The following OTUD4 variants were observed in gnomAD, a reference collection of about 807,000 sequenced individuals.
The protein encoded by OTUD4 is OTU deubiquitinase 4, also known as OTU domain-containing protein 4.
A neutral mutation model predicts 130.4 loss-of-function variants in OTUD4; 24 were observed. The observed-to-expected ratio is 0.18, with a 90% CI of 0.13 to 0.26. The LOEUF is 0.26. Ranked by LOEUF, OTUD4 falls within the 10% of genes least tolerant of loss-of-function variation. The pLI is 1.00. For missense variants in OTUD4, 1,031 were observed against 1,329.4 expected (o/e 0.78, Z 3.49); for synonymous variants, 420 against 472.5 (o/e 0.89, Z 1.44).
intron 3 of OTUD4, among the ~76,000 whole-genome samples, chr4:145,167,976 A>G (rs768217795): frequency 1.3e-5 from 2 of 152,206 alleles, no homozygotes; most frequent in Non-Finnish European, 2.9e-5. Flanking sequence ...TTAGGTAAAC[A>G]ATGGATATCC....
Position 145,138,440 on chromosome 4 carries a change from G to T in OTUD4, c.2335C>A (p.Gln779Lys). Residue 779 changes from glutamine to lysine, a missense_variant, in exon 21 of 21, where the codon CAA (glutamine) becomes AAA (lysine). Transcript: ENST00000447906. Reference sequence around the variant, plus strand: ...GGTCCAATCTCTGGCTGTGGCATTTGACCATTAACACTGGCCTCAGTCTGC... The same window carrying T: ...GGTCCAATCTCTGGCTGTGGCATTTTACCATTAACACTGGCCTCAGTCTGC... ...PMQTEASVNGQMPQPEIGPPT... is the reference protein window; with the variant it reads ...PMQTEASVNGKMPQPEIGPPT... 6.2e-7 allele frequency: 1 copy of T among 1,614,124 alleles called. No homozygotes were observed. The highest frequency in any genetic ancestry group is 1.1e-5 in the South Asian group (1 of 91,016).
At chr4:145,165,960 G>C (rs148315851) in intron 3 of OTUD4, among the ~76,000 whole-genome samples, 1 of 151,578 alleles carries the variant, frequency 6.6e-6, no homozygotes, top group African/African-American at 2.4e-5. Context: ...TCGGGAGTTC[G>C]AGACCAGTCT....
Position 145,164,205 on chromosome 4 carries a change from C to A in OTUD4, c.363G>T (p.Arg121=). The change falls in exon 5 of 21, where the codon CGG becomes CGT. Residue 121 remains arginine, a synonymous_variant. Coordinates refer to ENST00000447906, the MANE Select transcript of OTUD4 (RefSeq NM_001366057.1). ...LMYRKDFIIY[R]EPNVSPSQVT... is the part of the protein sequence containing the mutation. Reference sequence around the variant, plus strand: ...CTTGTGAAGGAGAAACATTTGGTTCCCGATAAATTATAAAATCTTTCCTGA... The same window carrying A: ...CTTGTGAAGGAGAAACATTTGGTTCACGATAAATTATAAAATCTTTCCTGA... The A allele has an allele frequency of 7.2e-7, 1 of 1,393,272 alleles. No individual in the cohort carries two copies. Among genetic ancestry groups the A allele is most frequent in the South Asian group, 1.3e-5 (1 of 78,944 alleles). The allele number at this position is 1,393,272 out of a possible 1,614,324, so 86.3% of individuals were successfully genotyped here.
chr4:145,179,454 C>A, intron 1 of OTUD4: 2 of 275,640 alleles, frequency 7.3e-6, no homozygotes, highest in South Asian at 6.0e-5. Context: ...CGTGGTGCTT[C>A]TCAAACGAAG....
At chr4:145,139,481 A>G (rs892408118) in intron 20 of OTUD4, among the ~76,000 whole-genome samples, 23 of 152,280 alleles carry the variant, frequency 1.5e-4, no homozygotes, top group African/African-American at 5.3e-4. Context: ...CAACAACCAC[A>G]CTATCTTACA....
intron 17 of OTUD4, among the ~76,000 whole-genome samples, chr4:145,142,646 CAAGGTGCT>C (rs1750617812): frequency 6.6e-6 from 1 of 152,230 alleles, no homozygotes; most frequent in African/African-American, 2.4e-5. Context: ...CTTGGCATCC[CAAGGTGCT>C]GGAATTACAG....
rs754337629 is a variant in OTUD4 at position 145,144,038 on chromosome 4, C to T, written c.1547-37G>A. ...CAAGATTAAAAAAGACAGCATAAGCCACCAGTCATGTCTGAACACAGAAGA... is the reference window on the plus strand; with the variant it reads ...CAAGATTAAAAAAGACAGCATAAGCTACCAGTCATGTCTGAACACAGAAGA... On this transcript the variant is annotated intron_variant, in intron 15 of 20. Transcript: ENST00000447906. 3.3e-6 allele frequency: 5 copies of T among 1,499,628 alleles called. No homozygotes were observed. In the South Asian group the frequency reaches 3.4e-5, roughly 10 times the overall value. 92.9% of individuals were successfully genotyped at this position (1,499,628 alleles called of 1,614,324 possible). A position where few individuals can be genotyped will look rare whatever the true frequency, so the allele number is the denominator to read the frequency against.
At chr4:145,165,123 C>G in intron 4 of OTUD4, 28 bp downstream of exon 4, 1 of 1,355,864 alleles carries the variant, frequency 7.4e-7, no homozygotes, top group Non-Finnish European at 1.0e-6. Context: ...GTTTCATTTT[C>G]TTTTACTTAT....
intron 10 of OTUD4, among the ~76,000 whole-genome samples, chr4:145,154,332 C>A (rs548138802): frequency 7.9e-5 from 12 of 152,326 alleles, no homozygotes; most frequent in African/African-American, 2.9e-4. Context: ...CCTTTAAATA[C>A]CCCAGAACCA....
At chr4:145,140,374 TAG>T (rs1750502149) in intron 19 of OTUD4, among the ~76,000 whole-genome samples, 1 of 152,196 alleles carries the variant, frequency 6.6e-6, no homozygotes, top group South Asian at 2.1e-4. Flanking sequence ...CCTAACTTAT[TAG>T]TAGCATCATT....
intron 11 of OTUD4, among the ~76,000 whole-genome samples, chr4:145,151,443 G>C (rs1043538525): frequency 2.0e-5 from 3 of 152,166 alleles, no homozygotes; most frequent in African/African-American, 7.2e-5. Context: ...AGACCAGCCT[G>C]ACCAACATGG....
rs777910837 is a variant in OTUD4, at chr4:145,137,637, A to C, written c.3138T>G (p.Thr1046=). 5 of 1,613,558 alleles carry C rather than the reference A, an allele frequency of 3.1e-6. No homozygotes were observed. The East Asian group carries it at 8.9e-5, about 29-fold the overall frequency. The stretch of plus-strand genomic sequence containing the variant: ...CACTTTTGTACTTCCTGCTTCCATA[A>C]GTTTGATTATAGAACTGCTTGGATC... The part of the protein sequence containing the change: ...SGRSKQFYNQ[T]YGSRKYKSDW... Residue 1046 remains threonine, a synonymous_variant, in exon 21 of 21, where the codon ACT becomes ACG. Coordinates refer to ENST00000447906, the MANE Select transcript of OTUD4 (RefSeq NM_001366057.1).
At chr4:145,163,966 C>T (rs1477044462) in intron 5 of OTUD4, among the ~76,000 whole-genome samples, 188 bp downstream of exon 5, 1 of 151,926 alleles carries the variant, frequency 6.6e-6, no homozygotes, top group Non-Finnish European at 1.5e-5. Context: ...CCTTGGCCTC[C>T]CAAAGTGCTG....
intron 3 of OTUD4, among the ~76,000 whole-genome samples, chr4:145,170,551 CTT>C (rs1752106602): frequency 6.6e-6 from 1 of 152,202 alleles, no homozygotes; most frequent in South Asian, 2.1e-4. Context: ...CTATATACCT[CTT>C]GTGACAAATC....
intron 10 of OTUD4, 59 bp downstream of exon 10, chr4:145,155,352 G>A: frequency 7.4e-7 from 1 of 1,354,590 alleles, no homozygotes. Context: ...TTCTCTGTTT[G>A]TATTAGAAAA....
chr4:145,180,459 C>T lies in OTUD4; in HGVS notation c.-486G>A, dbSNP rs531253494. Among the ~76,000 whole-genome samples the T allele has an allele frequency of 1.3e-5, 2 of 152,346 alleles. No individual in the cohort carries two copies. The highest frequency in any genetic ancestry group is 4.8e-5 in the African/African-American group (2 of 41,588). On this transcript the variant is annotated 5_prime_UTR_variant, in exon 1 of 21. Coordinates refer to ENST00000447906, the MANE Select transcript of OTUD4 (RefSeq NM_001366057.1). ...GCCGAGGAAACCAAAAAGAAAGACG[C>T]GGCCTTTCGTTTCCCCACCTCGCTG...
chr4:145,135,037 CAGCATAAGGCAAAATCCCCT>C lies in OTUD4; in HGVS notation c.*2373_*2392del, dbSNP rs1750175023. ...AGCTTGCTTATCCTTAGTTTGACCT[CAGCATAAGGCAAAATCCCCT>C]GGACTAATACATTTAAAAACAAACT... On this transcript the variant is annotated 3_prime_UTR_variant, in exon 21 of 21. Transcript: ENST00000447906. 1 of 391,960 alleles carries C rather than the reference CAGCATAAGGCAAAATCCCCT, an allele frequency of 2.6e-6. No homozygotes were observed. The highest frequency in any genetic ancestry group is 2.1e-5 in the African/African-American group (1 of 48,458). 24.3% of individuals were successfully genotyped at this position (391,960 alleles called of 1,614,324 possible).
chr4:145,155,543 A>G (rs2126770137), intron 9 of OTUD4, 26 bp downstream of exon 9: 2 of 1,599,556 alleles, frequency 1.3e-6, no homozygotes, highest in Non-Finnish European at 1.7e-6. Flanking sequence ...AAGCAAATTT[A>G]TGGAAAATGC....
chr4:145,155,013 A>G (rs1751221345), intron 10 of OTUD4, among the ~76,000 whole-genome samples: 1 of 152,214 alleles, frequency 6.6e-6, no homozygotes, highest in Non-Finnish European at 1.5e-5. Context: ...AACAGTAAAT[A>G]TTGTGTACGT....
Sources: gnomAD v4.1 joint callset for allele counts (sites outside exome capture counted in the v4.1 genomes callset) on GRCh38, gnomAD v4.1.1 for gene constraint, MANE v1.5 for transcripts, NCBI Gene and HGNC (gene_info 2026-07-23, HGNC 2026-07-21) for gene names.